The following RC3H2 variants were observed in gnomAD, a reference collection of about 807,000 sequenced individuals.
RC3H2 encodes the protein roquin-2.
In RC3H2, 31 loss-of-function variants were observed where a neutral mutation model predicts 133.3. That is an observed-to-expected ratio of 0.23 (90% CI 0.17 to 0.31). The LOEUF is 0.31. RC3H2 is among the 10% of genes least tolerant of loss of function. The pLI, the probability that RC3H2 is intolerant of heterozygous loss-of-function variation, is 1.00. For synonymous variants in RC3H2, 517 were observed against 502.2 expected (o/e 1.03, Z -0.40); for missense variants, 1,175 against 1,437.2 (o/e 0.82, Z 2.95).
At position 122,846,633 on chromosome 9, in the gene RC3H2, CA is replaced by C. The variant is rs1829874149; in HGVS notation, c.*2993del. On this transcript the variant is annotated 3_prime_UTR_variant, in exon 21 of 21. Coordinates refer to ENST00000357244, the MANE Select transcript of RC3H2 (RefSeq NM_001100588.3). ...AAATAACCACCACTTTCCTGCTTTC[CA>C]GACCTCAGACTATTTTTTCTGATTA... is the stretch of plus-strand genomic sequence containing the variant. The C allele has an allele frequency of 1.3e-5, 2 of 152,236 alleles. No individual in the cohort carries two copies. Among genetic ancestry groups the C allele is most frequent in the African/African-American group, 4.8e-5 (2 of 41,548 alleles). The allele number at this position is 152,236 out of a possible 1,614,324, so 9.4% of individuals were successfully genotyped here. A position where few individuals can be genotyped will look rare whatever the true frequency, so the allele number is the denominator to read the frequency against.
Position 122,865,673 on chromosome 9 carries a change from T to C in RC3H2, c.1326-16A>G. ...TAATCGATACCTGTTTCAAAAACAA[T>C]CAACAGATTGGTGAATATTTCACTA... On this transcript the variant is annotated splice_polypyrimidine_tract_variant and intron_variant, in intron 9 of 20. Coordinates refer to ENST00000357244, the MANE Select transcript of RC3H2 (RefSeq NM_001100588.3). The C allele has an allele frequency of 1.9e-6, 3 of 1,598,106 alleles. No individual in the cohort carries two copies. The highest frequency in any genetic ancestry group is 2.2e-5 in the South Asian group (2 of 90,800).
At chr9:122,876,433 G>A (rs988273799) in intron 9 of RC3H2, among the ~76,000 whole-genome samples, 2 of 152,014 alleles carry the variant, frequency 1.3e-5, no homozygotes, top group African/African-American at 2.4e-5. Flanking sequence ...TTTGAGACCC[G>A]CCTGGTGAAC....
At position 122,855,284 on chromosome 9, in the gene RC3H2, C is replaced by G; in HGVS notation, c.2715G>C (p.Trp905Cys). The stretch of plus-strand genomic sequence containing the variant: ...TACGGGAAGATCTGGAAATCGCACC[C>G]CATTTTGAGATGATGGGTCCATCAC... ...PFSDGPIISK[W>C]GAISRSSRTG... The change falls in exon 15 of 21, where the codon TGG becomes TGC. Residue 905 changes from tryptophan to cysteine, a missense_variant. Trp to Cys is a radical substitution (Grantham distance 215). Coordinates refer to ENST00000357244, the MANE Select transcript of RC3H2 (RefSeq NM_001100588.3). 6.2e-7 allele frequency: 1 copy of G among 1,614,084 alleles called. No homozygotes were observed. The highest frequency in any genetic ancestry group is 8.5e-7 in the Non-Finnish European group (1 of 1,180,010).
At chr9:122,856,783 G>A (rs1830266182) in intron 13 of RC3H2, among the ~76,000 whole-genome samples, 1 of 152,014 alleles carries the variant, frequency 6.6e-6, no homozygotes, top group African/African-American at 2.4e-5. Context: ...AAAACTCAAG[G>A]GCAAAAAAGT....
chr9:122,903,564 A>G (rs1832735719), intron 1 of RC3H2, among the ~76,000 whole-genome samples: 1 of 152,262 alleles, frequency 6.6e-6, no homozygotes, highest in Non-Finnish European at 1.5e-5. Flanking sequence ...GGTTACCACA[A>G]CAGAAATAAC....
intron 1 of RC3H2, among the ~76,000 whole-genome samples, chr9:122,898,691 G>C (rs10985810): frequency 0.38 from 56,649 of 150,608 alleles, 13,178 homozygotes; most frequent in South Asian, 0.6. Flanking sequence ...GGAGATTGCA[G>C]TGAGCCGAGA....
At chr9:122,854,681 T>C (rs569656696) in intron 15 of RC3H2, 66 bp from the exon 16 acceptor site, 107 of 1,018,680 alleles carry the variant, frequency 1.1e-4, no homozygotes, top group Non-Finnish European at 1.6e-4. Flanking sequence ...GGTGAATGTA[T>C]ACTTCTCAAA....
At position 122,870,409 on chromosome 9, in the gene RC3H2, CAAACA is replaced by C. The variant is rs1564298213; in HGVS notation, c.1326-4757_1326-4753del. On this transcript the variant is annotated intron_variant, in intron 9 of 20. Transcript: ENST00000357244. The stretch of plus-strand genomic sequence containing the variant: ...ACAAACAAACAAACAAACAAACAAA[CAAACA>C]AAAAAAAAACAACAAACTGAGATAA... Among the ~76,000 whole-genome samples the C allele has an allele frequency of 8.6e-4, 30 of 34,822 alleles. 1 individual carries two copies. The highest frequency in any genetic ancestry group is 6.8e-3 in the Admixed American group (18 of 2,630). 22.8% of individuals were successfully genotyped at this position (34,822 alleles called of 152,430 possible). A position where few individuals can be genotyped will look rare whatever the true frequency, so the allele number is the denominator to read the frequency against.
At chr9:122,855,042 G>A (rs1830187247) in intron 15 of RC3H2, 142 bp downstream of exon 15, 5 of 656,090 alleles carry the variant, frequency 7.6e-6, no homozygotes, top group Non-Finnish European at 1.3e-5. Flanking sequence ...TTGAACCCAG[G>A]ATGGAGGTTG....
chr9:122,896,316 A>C (rs1832417711), intron 2 of RC3H2, among the ~76,000 whole-genome samples: 1 of 152,134 alleles, frequency 6.6e-6, no homozygotes, highest in African/African-American at 2.4e-5. Flanking sequence ...TTTCATTTAC[A>C]CTATTATATA....
chr9:122,849,841 C>A lies in RC3H2; in HGVS notation c.3381-19G>T. 1 of 1,530,018 alleles carries A rather than the reference C, an allele frequency of 6.5e-7. No homozygotes were observed. Among genetic ancestry groups the A allele is most frequent in the Non-Finnish European group, 8.8e-7 (1 of 1,141,026 alleles). 94.8% of individuals were successfully genotyped at this position (1,530,018 alleles called of 1,614,324 possible). A position where few individuals can be genotyped will look rare whatever the true frequency, so the allele number is the denominator to read the frequency against. The stretch of plus-strand genomic sequence containing the variant: ...CTCCTCCCTGAGAAAAAAGAAATGA[C>A]ATTAAAAACAAATTAGCTTTAAGTG... On this transcript the variant is annotated intron_variant, in intron 20 of 20. Coordinates refer to ENST00000357244, the MANE Select transcript of RC3H2 (RefSeq NM_001100588.3).
Position 122,905,348 on chromosome 9 carries a change from A to G in RC3H2, c.-306T>C, listed in dbSNP as rs915153070. 1.1e-5 allele frequency: 10 copies of G among 947,064 alleles called. 2 individuals are homozygous for G. In the Admixed American group the frequency reaches 4.9e-4, roughly 47 times the overall value. 58.7% of individuals were successfully genotyped at this position (947,064 alleles called of 1,614,324 possible). A position where few individuals can be genotyped will look rare whatever the true frequency, so the allele number is the denominator to read the frequency against. ...CTCCTCCTCCTCACCACGGAGGCGG[A>G]CCTGGAGGGATCCCGATCTAGCTCT... On this transcript the variant is annotated 5_prime_UTR_variant, in exon 1 of 21. Coordinates refer to ENST00000357244, the MANE Select transcript of RC3H2 (RefSeq NM_001100588.3).
rs1829921121 is a variant in RC3H2 at position 122,848,811 on chromosome 9, T to G, written c.*816A>C. ...TTTTAAAAAACTGCCATTACATTAGTGCATAATTTATCAAAATTGTAAAAA... is the reference window on the plus strand; with the variant it reads ...TTTTAAAAAACTGCCATTACATTAGGGCATAATTTATCAAAATTGTAAAAA... On this transcript the variant is annotated 3_prime_UTR_variant, in exon 21 of 21. Transcript: ENST00000357244. 1 of 152,170 alleles carries G rather than the reference T, an allele frequency of 6.6e-6. No individual in the cohort carries two copies. Among genetic ancestry groups the G allele is most frequent in the Non-Finnish European group, 1.5e-5 (1 of 68,014 alleles). The allele number at this position is 152,170 out of a possible 1,614,324, so 9.4% of individuals were successfully genotyped here. A position where few individuals can be genotyped will look rare whatever the true frequency, so the allele number is the denominator to read the frequency against.
intron 4 of RC3H2, chr9:122,890,036 G>A (rs1223659769): frequency 1.7e-6 from 1 of 582,576 alleles, no homozygotes; most frequent in East Asian, 2.8e-5. Context: ...CAGCTACTTA[G>A]GGGGCTGAGT....
chr9:122,865,576 G>C lies in RC3H2; in HGVS notation c.1407C>G (p.Val469=), dbSNP rs1198878143. The change falls in exon 10 of 21, where the codon GTC becomes GTG. Residue 469 remains valine (V), a synonymous_variant. Coordinates refer to ENST00000357244, the MANE Select transcript of RC3H2 (RefSeq NM_001100588.3). ...LLNKVGVNNT[V]TTTAGNVISV... ...AAATGACATTTCCGGCTGTGGTTGT[G>C]ACAGTGTTGTTTACACCAACTTTAT... 1 of 1,614,034 alleles carries C rather than the reference G, an allele frequency of 6.2e-7. No individual in the cohort carries two copies. The highest frequency in any genetic ancestry group is 1.3e-5 in the African/African-American group (1 of 74,936).
intron 3 of RC3H2, among the ~76,000 whole-genome samples, chr9:122,891,721 G>A (rs1832183937): frequency 6.6e-6 from 1 of 152,274 alleles, no homozygotes; most frequent in Middle Eastern, 3.4e-3. Context: ...GAATACAGGG[G>A]ATAAGTTTCT....
chr9:122,880,177 A>G (rs1831552041), intron 6 of RC3H2, 52 bp from the exon 7 acceptor site: 8 of 1,547,312 alleles, frequency 5.2e-6, no homozygotes, highest in South Asian at 1.1e-5. Flanking sequence ...TGACACATTT[A>G]TACTCAAATA....
At chr9:122,868,667 G>GA (rs1391327459) in intron 9 of RC3H2, among the ~76,000 whole-genome samples, 1 of 151,612 alleles carries the variant, frequency 6.6e-6, no homozygotes, top group Non-Finnish European at 1.5e-5. Flanking sequence ...TTTATCTGCT[G>GA]ACCTTCCCTC....
chr9:122,861,875 C>T (rs914935207), intron 10 of RC3H2, among the ~76,000 whole-genome samples: 6 of 152,008 alleles, frequency 3.9e-5, no homozygotes, highest in Admixed American at 2.0e-4. Context: ...TAGGTACAAA[C>T]GTAAGGGTTT....
Sources: gnomAD v4.1 joint callset for allele counts (sites outside exome capture counted in the v4.1 genomes callset) on GRCh38, gnomAD v4.1.1 for gene constraint, MANE v1.5 for transcripts, NCBI Gene and HGNC (gene_info 2026-07-23, HGNC 2026-07-21) for gene names.